Variants in KIF5B observed in about 807,000 individuals in gnomAD.
The protein encoded by KIF5B is kinesin family member 5B.
A neutral mutation model predicts 132.8 loss-of-function variants in KIF5B; 49 were observed. The ratio of observed to expected loss-of-function variants is 0.37; its 90% CI spans 0.29 to 0.47. The LOEUF is 0.47. Ranked by LOEUF, KIF5B falls within the 20% of genes least tolerant of loss-of-function variation. The pLI is 1.00. For missense variants in KIF5B, 780 were observed against 1,144.0 expected, an observed-to-expected ratio of 0.68 and a Z score of 4.59; for synonymous variants, 355 against 369.4, an observed-to-expected ratio of 0.96 and a Z score of 0.45.
chr10:32,037,433 T>C, intron 7 of KIF5B, 55 bp from the exon 8 acceptor site: 1 of 1,600,810 alleles, frequency 6.2e-7, no homozygotes, highest in Non-Finnish European at 8.5e-7. Flanking sequence ...CCTTAACAAT[T>C]TCCCTGAAGC....
At position 32,010,021 on chromosome 10, in the gene KIF5B, T is replaced by C. The variant is rs1841053773; in HGVS notation, c.*1516A>G. 6.6e-6 allele frequency: 1 copy of C among 152,056 alleles called. No homozygotes were observed. The highest frequency in any genetic ancestry group is 6.5e-5 in the Admixed American group (1 of 15,272). 9.4% of individuals were successfully genotyped at this position (152,056 alleles called of 1,614,324 possible). On this transcript the variant is annotated 3_prime_UTR_variant, in exon 26 of 26. Transcript: ENST00000302418. ...TACAATAGTTACGGAAATAGAAAAA[T>C]AAGCCAATTATGATCTGAGTCTTCT...
chr10:32,027,058 C>T (rs1338145253), intron 15 of KIF5B, among the ~76,000 whole-genome samples: 2 of 151,770 alleles, frequency 1.3e-5, no homozygotes, highest in African/African-American at 4.8e-5. Flanking sequence ...CATTTTTAAA[C>T]TGAAGAATCA....
chr10:32,018,415 G>T (rs371712283), intron 21 of KIF5B, 28 bp from the exon 22 acceptor site: 2 of 1,569,964 alleles, frequency 1.3e-6, no homozygotes, highest in Admixed American at 4.1e-5. Flanking sequence ...GATATTTTTG[G>T]AGCTCAGACT....
At chr10:32,033,622 A>G (rs1310622050) in intron 12 of KIF5B, among the ~76,000 whole-genome samples, 1 of 152,178 alleles carries the variant, frequency 6.6e-6, no homozygotes, top group East Asian at 1.9e-4. Context: ...GCTTAAAAAG[A>G]GGGGGAAGAA....
intron 23 of KIF5B, 64 bp downstream of exon 23, chr10:32,017,988 T>G: frequency 1.2e-6 from 1 of 815,464 alleles, no homozygotes. Context: ...AAATACTCAC[T>G]TGCCAATCCT....
At chr10:32,052,754 G>A (rs557923014) in intron 1 of KIF5B, among the ~76,000 whole-genome samples, 1 of 152,110 alleles carries the variant, frequency 6.6e-6, no homozygotes, top group Non-Finnish European at 1.5e-5. Flanking sequence ...ATCGCTTAAA[G>A]ACTTTCATAA....
chr10:32,055,593 G>C (rs1322597034), intron 1 of KIF5B, among the ~76,000 whole-genome samples: 5 of 152,242 alleles, frequency 3.3e-5, no homozygotes, highest in South Asian at 4.1e-4. Context: ...CATTGCCCCA[G>C]GTGGGGGAGT....
At chr10:32,015,725 G>C in intron 24 of KIF5B, 66 bp from the exon 25 acceptor site, 1 of 1,306,730 alleles carries the variant, frequency 7.7e-7, no homozygotes, top group Non-Finnish European at 1.1e-6. Flanking sequence ...GACTGTTAAG[G>C]TTTCTTCTCT....
intron 24 of KIF5B, among the ~76,000 whole-genome samples, chr10:32,016,600 A>T (rs978197549): frequency 6.6e-6 from 1 of 151,982 alleles, no homozygotes; most frequent in African/African-American, 2.4e-5. Flanking sequence ...ATCTTGGCTC[A>T]TTGCAATCTC....
intron 4 of KIF5B, 122 bp downstream of exon 4, chr10:32,039,205 A>G (rs1841501546): frequency 1.9e-6 from 1 of 540,262 alleles, no homozygotes; most frequent in Non-Finnish European, 3.3e-6. Flanking sequence ...AACCTGAATG[A>G]TCTTTCAACT....
At chr10:32,029,041 A>T (rs1403851791) in intron 14 of KIF5B, among the ~76,000 whole-genome samples, 1 of 152,222 alleles carries the variant, frequency 6.6e-6, no homozygotes, top group Non-Finnish European at 1.5e-5. Flanking sequence ...TAATACTATG[A>T]TACAGGCAAT....
rs140541575 is a variant in KIF5B, at chr10:32,022,838, T to G, written c.1914+10A>C. 1.3e-6 allele frequency: 2 copies of G among 1,561,862 alleles called. No individual in the cohort carries two copies. The highest frequency in any genetic ancestry group is 2.4e-5 in the South Asian group (2 of 82,890). On this transcript the variant is annotated intron_variant, in intron 16 of 25. Coordinates refer to ENST00000302418, the MANE Select transcript of KIF5B (RefSeq NM_004521.3). Reference sequence around the variant, plus strand: ...TCAAAAAAATGAATAAACTTTGTTCTATAACATACTTGAGAGATACGAAGC... The same window carrying G: ...TCAAAAAAATGAATAAACTTTGTTCGATAACATACTTGAGAGATACGAAGC...
chr10:32,010,796 G>T lies in KIF5B; in HGVS notation c.*741C>A, dbSNP rs1025414360. ...TCCAAACTCCCTTAAACTAAGATCT[G>T]CTTTTGATACTTTAAAATATTTCTA... On this transcript the variant is annotated 3_prime_UTR_variant, in exon 26 of 26. Coordinates refer to ENST00000302418, the MANE Select transcript of KIF5B (RefSeq NM_004521.3). 1 of 152,104 alleles carries T rather than the reference G, an allele frequency of 6.6e-6. No individual in the cohort carries two copies. Among genetic ancestry groups the T allele is most frequent in the African/African-American group, 2.4e-5 (1 of 41,436 alleles). The allele number at this position is 152,104 out of a possible 1,614,324, so 9.4% of individuals were successfully genotyped here. A position where few individuals can be genotyped will look rare whatever the true frequency, so the allele number is the denominator to read the frequency against.
At chr10:32,025,510 G>A (rs1019207350) in intron 15 of KIF5B, among the ~76,000 whole-genome samples, 3 of 152,116 alleles carry the variant, frequency 2.0e-5, no homozygotes, top group Non-Finnish European at 2.9e-5. Flanking sequence ...CAAATAGCTG[G>A]GACTATAGGC....
intron 15 of KIF5B, among the ~76,000 whole-genome samples, chr10:32,024,075 A>AC (rs1168547424): frequency 6.7e-6 from 1 of 149,008 alleles, no homozygotes; most frequent in Non-Finnish European, 1.5e-5. Flanking sequence ...AAAAAAAAAA[A>AC]AACAAGACAC....
chr10:32,018,622 T>C (rs1841212768), intron 20 of KIF5B, 60 bp from the exon 21 acceptor site: 4 of 1,234,976 alleles, frequency 3.2e-6, no homozygotes, highest in Admixed American at 2.0e-5. Flanking sequence ...GTACTTAGCA[T>C]GAGAGTTGAA....
chr10:32,054,657 T>G (rs911059914), intron 1 of KIF5B, among the ~76,000 whole-genome samples: 6 of 152,224 alleles, frequency 3.9e-5, no homozygotes, highest in African/African-American at 1.4e-4. Flanking sequence ...ATTAACATAT[T>G]AAAATTTCAT....
chr10:32,041,553 C>T (rs1317672479), intron 2 of KIF5B, among the ~76,000 whole-genome samples: 4 of 152,178 alleles, frequency 2.6e-5, no homozygotes, highest in African/African-American at 4.8e-5. Context: ...TCACAAACCC[C>T]GACCTTCCTC....
intron 25 of KIF5B, among the ~76,000 whole-genome samples, chr10:32,014,356 A>G (rs922968829): frequency 1.4e-5 from 2 of 143,598 alleles, no homozygotes; most frequent in East Asian, 2.4e-4. Flanking sequence ...ACCCCACTGC[A>G]TGTCAGCCTG....
Sources: gnomAD v4.1 joint callset for allele counts (sites outside exome capture counted in the v4.1 genomes callset) on GRCh38, gnomAD v4.1.1 for gene constraint, MANE v1.5 for transcripts, NCBI Gene and HGNC (gene_info 2026-07-23, HGNC 2026-07-21) for gene names.